Variants in KCND2 observed in about 807,000 individuals in gnomAD.
The protein encoded by KCND2 is A-type voltage-gated potassium channel KCND2.
Under a neutral mutation model 54.4 loss-of-function variants are expected in KCND2, and 16 were observed. The observed-to-expected ratio is 0.29, with a 90% CI of 0.20 to 0.45. KCND2 has a LOEUF of 0.45. KCND2 is among the 20% of genes least tolerant of loss of function. KCND2 has a pLI of 1.00. For missense variants in KCND2, 486 were observed against 824.2 expected (o/e 0.59, Z 5.02); for synonymous variants, 317 against 310.7 (o/e 1.02, Z -0.21).
chr7:120,599,457 A>G (rs1249418474), intron 1 of KCND2, among the ~76,000 whole-genome samples: 1 of 152,022 alleles, frequency 6.6e-6, no homozygotes, highest in Non-Finnish European at 1.5e-5. Flanking sequence ...CTTCCAGTGC[A>G]CGAATTCAGT....
At chr7:120,601,555 A>G (rs1562884954) in intron 1 of KCND2, among the ~76,000 whole-genome samples, 2 of 152,180 alleles carry the variant, frequency 1.3e-5, no homozygotes, top group African/African-American at 2.4e-5. Flanking sequence ...GCCATTGTTT[A>G]TAAGAGTTAA....
intron 1 of KCND2, among the ~76,000 whole-genome samples, chr7:120,628,075 C>T (rs1793184612): frequency 6.6e-6 from 1 of 152,114 alleles, no homozygotes; most frequent in Non-Finnish European, 1.5e-5. Context: ...CAAGAATCTT[C>T]AGCTCTAAGG....
intron 1 of KCND2, among the ~76,000 whole-genome samples, chr7:120,312,313 GTCT>G (rs1799746844): frequency 6.6e-6 from 1 of 152,024 alleles, no homozygotes; most frequent in Admixed American, 6.6e-5. Context: ...TTGATTTTAT[GTCT>G]TTATTATTGT....
chr7:120,434,201 G>A (rs747009677), intron 1 of KCND2, among the ~76,000 whole-genome samples: 17 of 152,180 alleles, frequency 1.1e-4, no homozygotes, highest in African/African-American at 1.7e-4. Context: ...ACCTCACAAC[G>A]TATATACTAA....
chr7:120,339,328 A>C (rs1490518452), intron 1 of KCND2, among the ~76,000 whole-genome samples: 3 of 152,214 alleles, frequency 2.0e-5, no homozygotes, highest in Admixed American at 1.3e-4. Flanking sequence ...GCAATATGAA[A>C]AAAAACACAT....
chr7:120,538,336 A>G (rs1449388287), intron 1 of KCND2, among the ~76,000 whole-genome samples: 1 of 152,252 alleles, frequency 6.6e-6, no homozygotes, highest in Non-Finnish European at 1.5e-5. Flanking sequence ...CACAGATTAC[A>G]GTAACAGATA....
At chr7:120,288,432 A>C (rs919782276) in intron 1 of KCND2, among the ~76,000 whole-genome samples, 6 of 152,160 alleles carry the variant, frequency 3.9e-5, no homozygotes, top group Admixed American at 6.6e-5. Context: ...TGCAGGACCT[A>C]AAGATAGAAA....
rs118102522 is a variant in KCND2, at chr7:120,509,300, A to G, written c.1116-223603A>G. ...CTTCAGTTAATAATAGTCTATCACT[A>G]TTGCTTCATTAATTATACAAATGTG... is the stretch of plus-strand genomic sequence containing the variant. On this transcript the variant is annotated intron_variant, in intron 1 of 5. Transcript: ENST00000331113. 9.5e-3 allele frequency among the ~76,000 whole-genome samples: 1,451 copies of G among 152,126 alleles called. 16 individuals are homozygous for G. The highest frequency in any genetic ancestry group is 0.013 in the Non-Finnish European group (911 of 67,950).
intron 1 of KCND2, among the ~76,000 whole-genome samples, chr7:120,334,170 G>A (rs1272648582): frequency 6.6e-6 from 1 of 152,150 alleles, no homozygotes; most frequent in Non-Finnish European, 1.5e-5. Flanking sequence ...TTGAATCCAT[G>A]TCAAATGAAC....
At chr7:120,553,105 T>C (rs908686452) in intron 1 of KCND2, among the ~76,000 whole-genome samples, 5 of 152,332 alleles carry the variant, frequency 3.3e-5, no homozygotes, top group Non-Finnish European at 7.4e-5. Flanking sequence ...ATCATTAACA[T>C]GTTCCTCCTA....
chr7:120,461,749 TAA>T (rs1195732067), intron 1 of KCND2, among the ~76,000 whole-genome samples: 2 of 151,208 alleles, frequency 1.3e-5, no homozygotes, highest in Non-Finnish European at 3.0e-5. Context: ...TTCATTTTTT[TAA>T]AAAAAAACAG....
rs143172727 is a variant in KCND2, at chr7:120,505,726, A to G, written c.1116-227177A>G. Among the ~76,000 whole-genome samples, 205 of 151,846 alleles carry G rather than the reference A, an allele frequency of 1.4e-3. 1 individual carries two copies. Among genetic ancestry groups the G allele is most frequent in the Non-Finnish European group, 1.7e-3 (115 of 67,788 alleles). On this transcript the variant is annotated intron_variant, in intron 1 of 5. Coordinates refer to ENST00000331113, the MANE Select transcript of KCND2 (RefSeq NM_012281.3). The stretch of plus-strand genomic sequence containing the variant: ...AAGCTATGAATAGCTGTACAGTGGT[A>G]AGAATTCTGGACTCAGAGTCAGTGC...
chr7:120,631,819 A>G (rs905210085), intron 1 of KCND2, among the ~76,000 whole-genome samples: 1 of 152,170 alleles, frequency 6.6e-6, no homozygotes, highest in Non-Finnish European at 1.5e-5. Context: ...GGGATTGCAT[A>G]TTCTTCATTA....
At chr7:120,567,675 G>A (rs1256278280) in intron 1 of KCND2, among the ~76,000 whole-genome samples, 1 of 151,964 alleles carries the variant, frequency 6.6e-6, no homozygotes, top group Non-Finnish European at 1.5e-5. Flanking sequence ...GCTTATAATT[G>A]CTTCCTGACA....
chr7:120,651,385 G>A (rs1791730663), intron 1 of KCND2, among the ~76,000 whole-genome samples: 1 of 152,118 alleles, frequency 6.6e-6, no homozygotes, highest in Non-Finnish European at 1.5e-5. Flanking sequence ...AGCAATGAGT[G>A]AGGCTCCATG....
At chr7:120,380,930 AT>A (rs1800908367) in intron 1 of KCND2, among the ~76,000 whole-genome samples, 1 of 152,112 alleles carries the variant, frequency 6.6e-6, no homozygotes, top group South Asian at 2.1e-4. Context: ...TGAATAAATT[AT>A]TTTAAATTCA....
At chr7:120,686,556 G>C (rs1792204331) in intron 1 of KCND2, among the ~76,000 whole-genome samples, 1 of 152,136 alleles carries the variant, frequency 6.6e-6, no homozygotes, top group Non-Finnish European at 1.5e-5. Context: ...TTATTAAAAA[G>C]TATTAGAGCA....
rs144451604 is a variant in KCND2 at position 120,694,225 on chromosome 7, G to A, written c.1116-38678G>A. ...ATTTCCCAGAATTCTGAAAAAGTTT[G>A]GCTCTGTTTCTTATCAACACACTTT... On this transcript the variant is annotated intron_variant, in intron 1 of 5. Coordinates refer to ENST00000331113, the MANE Select transcript of KCND2 (RefSeq NM_012281.3). Among the ~76,000 whole-genome samples, 4 of 152,254 alleles carry A rather than the reference G, an allele frequency of 2.6e-5. No homozygotes were observed. In the East Asian group the frequency reaches 7.7e-4, roughly 29 times the overall value.
chr7:120,591,804 A>T (rs1449051204), intron 1 of KCND2, among the ~76,000 whole-genome samples: 1 of 152,190 alleles, frequency 6.6e-6, no homozygotes, highest in Non-Finnish European at 1.5e-5. Flanking sequence ...AAAGTGTGGT[A>T]CTTGCCACTA....
Sources: allele counts gnomAD v4.1 joint callset (sites outside exome capture counted in the v4.1 genomes callset), GRCh38; gene constraint gnomAD v4.1.1; transcripts MANE v1.5; gene names NCBI Gene and HGNC (gene_info 2026-07-23, HGNC 2026-07-21).